CLEC16A: variants seen among roughly 807,000 people sequenced by gnomAD.
CLEC16A encodes protein CLEC16A.
CLEC16A carries 51 observed loss-of-function variants against 109.5 expected under a neutral mutation model. The observed-to-expected ratio is 0.47, with a 90% CI of 0.37 to 0.59. The LOEUF is 0.59. Ranked by LOEUF, CLEC16A falls within the 20% of genes least tolerant of loss-of-function variation. The pLI is 0.00. For missense variants in CLEC16A, 1,339 were observed against 1,394.0 expected (o/e 0.96, Z 0.63); for synonymous variants, 673 against 564.2 (o/e 1.19, Z -2.73).
At chr16:10,958,877 C>T (rs1228400942) in intron 2 of CLEC16A, among the ~76,000 whole-genome samples, 1 of 152,044 alleles carries the variant, frequency 6.6e-6, no homozygotes, top group East Asian at 1.9e-4. Flanking sequence ...GCACTCCAGC[C>T]TGGGTGACAG....
chr16:11,141,432 C>G (rs2053822485), intron 22 of CLEC16A, among the ~76,000 whole-genome samples: 1 of 152,206 alleles, frequency 6.6e-6, no homozygotes, highest in Non-Finnish European at 1.5e-5. Flanking sequence ...GTGGGGGCCT[C>G]AACAGGGCAA....
At chr16:10,995,493 G>T (rs1239447776) in intron 10 of CLEC16A, among the ~76,000 whole-genome samples, 1 of 152,228 alleles carries the variant, frequency 6.6e-6, no homozygotes, top group Non-Finnish European at 1.5e-5. Flanking sequence ...GTTGCTGGGA[G>T]CTTGGGAGTC....
rs1461801231 is a variant in CLEC16A at position 11,052,132 on chromosome 16, T to A, written c.1995+491T>A. Among the ~76,000 whole-genome samples, 4 of 152,216 alleles carry A rather than the reference T, an allele frequency of 2.6e-5. No homozygotes were observed. In the East Asian group the frequency reaches 7.7e-4, roughly 29 times the overall value. On this transcript the variant is annotated intron_variant, in intron 18 of 23. Transcript: ENST00000409790. ...CAGATATGTGTGAAAAGATTAGTTC[T>A]CAGAACCAGCTGCAGTGTGTGCTTC...
chr16:11,140,487 A>G (rs1186273852), intron 22 of CLEC16A, among the ~76,000 whole-genome samples: 3 of 152,230 alleles, frequency 2.0e-5, no homozygotes, highest in Non-Finnish European at 4.4e-5. Context: ...CGGGCTCAGC[A>G]CAGTGGTCTA....
At chr16:10,991,591 T>C (rs1366307650) in intron 10 of CLEC16A, among the ~76,000 whole-genome samples, 1 of 152,160 alleles carries the variant, frequency 6.6e-6, no homozygotes, top group Non-Finnish European at 1.5e-5. Flanking sequence ...TATGTGCCAT[T>C]GGAGGACTCA....
At chr16:11,177,602 GAAA>G (rs796832104) in intron 23 of CLEC16A, among the ~76,000 whole-genome samples, 4 of 91,046 alleles carry the variant, frequency 4.4e-5, no homozygotes, top group Admixed American at 1.1e-4. Context: ...TCCGCCAAAA[GAAA>G]AAAAAAAAAA....
At position 11,179,442 on chromosome 16, in the gene CLEC16A, A is replaced by G. The variant is rs2068890114; in HGVS notation, c.*752A>G. 6.6e-6 allele frequency: 1 copy of G among 152,258 alleles called. No homozygotes were observed. Among genetic ancestry groups the G allele is most frequent in the African/African-American group, 2.4e-5 (1 of 41,472 alleles). The allele number at this position is 152,258 out of a possible 1,614,324, so 9.4% of individuals were successfully genotyped here. A position where few individuals can be genotyped will look rare whatever the true frequency, so the allele number is the denominator to read the frequency against. On this transcript the variant is annotated 3_prime_UTR_variant, in exon 24 of 24. Transcript: ENST00000409790. Reference sequence around the variant, plus strand: ...AAGGGAGATACATGTATTCTCAGGTACACACAGAGCTGAGAGGGCTGAATG... The same window carrying G: ...AAGGGAGATACATGTATTCTCAGGTGCACACAGAGCTGAGAGGGCTGAATG...
intron 9 of CLEC16A, among the ~76,000 whole-genome samples, chr16:10,981,350 C>T (rs2043311391): frequency 6.6e-6 from 1 of 152,146 alleles, no homozygotes; most frequent in African/African-American, 2.4e-5. Flanking sequence ...TCATTGCTAA[C>T]ATTTAAGGGC....
chr16:10,969,427 A>G (rs2042672910), intron 4 of CLEC16A, 118 bp downstream of exon 4: 2 of 652,504 alleles, frequency 3.1e-6, no homozygotes, highest in Admixed American at 8.0e-5. Context: ...AAGCTCTTAT[A>G]TGCTTGTTAT....
At chr16:11,118,011 G>T (rs566335636) in intron 19 of CLEC16A, among the ~76,000 whole-genome samples, 15 of 151,616 alleles carry the variant, frequency 9.9e-5, no homozygotes, top group Non-Finnish European at 1.9e-4. Flanking sequence ...TCTCGCTTTT[G>T]TCACCTAGGC....
chr16:11,039,896 T>C lies in CLEC16A; in HGVS notation c.1660+20T>C. On this transcript the variant is annotated intron_variant, in intron 14 of 23. Transcript: ENST00000409790. ...AGCCAGGTGCCCACTTGGGGTGTTG[T>C]CTGTCCACAGGGCCACGCAGTTGTA... The C allele has an allele frequency of 1.2e-6, 2 of 1,610,470 alleles. No individual in the cohort carries two copies. The highest frequency in any genetic ancestry group is 1.7e-6 in the Non-Finnish European group (2 of 1,178,392).
intron 22 of CLEC16A, among the ~76,000 whole-genome samples, chr16:11,135,318 G>T (rs1177720413): frequency 1.3e-5 from 2 of 152,146 alleles, no homozygotes; most frequent in African/African-American, 4.8e-5. Context: ...ATCTGGAGCT[G>T]GGCTCACACA....
intron 1 of CLEC16A, among the ~76,000 whole-genome samples, chr16:10,947,421 C>T (rs2041445947): frequency 6.6e-6 from 1 of 152,178 alleles, no homozygotes; most frequent in African/African-American, 2.4e-5. Flanking sequence ...TCGCCATGGA[C>T]CCAGGGTTCT....
At chr16:11,173,348 C>G (rs748848029) in intron 23 of CLEC16A, among the ~76,000 whole-genome samples, 3 of 152,176 alleles carry the variant, frequency 2.0e-5, no homozygotes, top group Non-Finnish European at 2.9e-5. Flanking sequence ...CACATTCAAG[C>G]TGTGTGCTCA....
rs535002305 is a variant in CLEC16A at position 11,027,323 on chromosome 16, T to G, written c.1537+2402T>G. On this transcript the variant is annotated intron_variant, in intron 13 of 23. Transcript: ENST00000409790. The stretch of plus-strand genomic sequence containing the variant: ...GCATCGAAAGGATTGATGGCGTGAG[T>G]TTACTGGTGCAGAGAACCATTGCAA... The G allele has an allele frequency of 2.1e-5, 30 of 1,445,874 alleles. No individual in the cohort carries two copies. In the South Asian group the frequency reaches 3.3e-4, roughly 16 times the overall value. The allele number at this position is 1,445,874 out of a possible 1,614,324, so 89.6% of individuals were successfully genotyped here. A position where few individuals can be genotyped will look rare whatever the true frequency, so the allele number is the denominator to read the frequency against.
intron 22 of CLEC16A, among the ~76,000 whole-genome samples, chr16:11,145,123 G>A (rs748411331): frequency 2.6e-5 from 4 of 152,164 alleles, no homozygotes; most frequent in East Asian, 1.9e-4. Context: ...ATAAAGCCAC[G>A]TGGGAATGGC....
intron 10 of CLEC16A, among the ~76,000 whole-genome samples, chr16:10,994,251 G>A (rs1395743385): frequency 6.6e-6 from 1 of 152,202 alleles, no homozygotes; most frequent in Non-Finnish European, 1.5e-5. Context: ...CATTTCGGCA[G>A]TGCCGTCAAA....
chr16:11,024,047 C>T (rs906233971), intron 12 of CLEC16A: 1 of 152,240 alleles, frequency 6.6e-6, no homozygotes, highest in African/African-American at 2.4e-5. Flanking sequence ...GGTGAGAGAC[C>T]TCACTATCGA....
chr16:11,113,992 C>T (rs2051787739), intron 19 of CLEC16A, among the ~76,000 whole-genome samples: 2 of 152,300 alleles, frequency 1.3e-5, no homozygotes, highest in African/African-American at 4.8e-5. Flanking sequence ...TTTATTCTCC[C>T]ACTAGCAGCT....
Sources: gnomAD v4.1 joint callset for allele counts (sites outside exome capture counted in the v4.1 genomes callset) on GRCh38, gnomAD v4.1.1 for gene constraint, MANE v1.5 for transcripts, NCBI Gene and HGNC (gene_info 2026-07-23, HGNC 2026-07-21) for gene names.